Variants in SHROOM4 observed in about 807,000 individuals in gnomAD.
SHROOM4 encodes the protein shroom family member 4, also known as protein Shroom4.
A neutral mutation model predicts 80.3 loss-of-function variants in SHROOM4; 17 were observed. That is an observed-to-expected ratio of 0.21 (90% confidence interval 0.14 to 0.32). The LOEUF (loss-of-function observed/expected upper bound fraction) is 0.32, where lower values mean the gene tolerates loss of function less well. Among genes scored for constraint, SHROOM4 ranks in the 10% least tolerant of loss-of-function variants. The pLI, the probability that SHROOM4 is intolerant of heterozygous loss-of-function variation, is 1.00. For synonymous variants in SHROOM4, 400 were observed against 437.5 expected, an observed-to-expected ratio of 0.91 and a Z score of 1.07; for missense variants, 993 against 1,140.3, an observed-to-expected ratio of 0.87 and a Z score of 1.86.
intron 2 of SHROOM4, among the ~76,000 whole-genome samples, chrX:50,666,774 C>A (rs1033050958): frequency 9.0e-6 from 1 of 111,066 alleles, no homozygotes; most frequent in African/African-American, 3.3e-5. Flanking sequence ...AGGTAAGTAA[C>A]CTTCAATGTG....
rs1050463039 is a variant in SHROOM4 at position 50,594,959 on chromosome X, A to G, written c.*1736T>C. ...GATTCTCCCATTGTTTTCAAATACA[A>G]TGAAGAGGAAATGGAAGCTAGTGAC... On this transcript the variant is annotated 3_prime_UTR_variant, in exon 9 of 9. Coordinates refer to ENST00000376020, the MANE Select transcript of SHROOM4 (RefSeq NM_020717.5). 3 of 112,632 alleles carry G rather than the reference A, an allele frequency of 2.7e-5. No individual in the cohort carries two copies. In the Admixed American group the frequency reaches 2.8e-4, roughly 11 times the overall value. The allele number at this position is 112,632 out of a possible 1,213,427, so 9.3% of individuals were successfully genotyped here.
intron 1 of SHROOM4, among the ~76,000 whole-genome samples, chrX:50,800,357 T>C (rs1473062434): frequency 3.6e-5 from 4 of 112,093 alleles, no homozygotes; most frequent in Admixed American, 2.8e-4. Flanking sequence ...GGAAAATATA[T>C]AGAAGATACA....
chrX:50,601,462 G>T (rs1929403461), intron 7 of SHROOM4, among the ~76,000 whole-genome samples: 1 of 112,253 alleles, frequency 8.9e-6, no homozygotes, highest in South Asian at 3.8e-4. Context: ...TCTTGCAAAT[G>T]GCCCTGTAAC....
intron 1 of SHROOM4, among the ~76,000 whole-genome samples, chrX:50,779,675 A>G (rs1034816925): frequency 1.2e-4 from 13 of 111,790 alleles, no homozygotes; most frequent in Non-Finnish European, 2.1e-4. Flanking sequence ...AACATGCAGG[A>G]AGAAGAAGAG....
At position 50,607,516 on chromosome X, in the gene SHROOM4, G is replaced by A. The variant is rs782400213; in HGVS notation, c.3626C>T (p.Ala1209Val). 3.6e-5 allele frequency: 44 copies of A among 1,209,403 alleles called. No individual in the cohort carries two copies. Among genetic ancestry groups the A allele is most frequent in the East Asian group, 8.9e-5 (3 of 33,719 alleles). Residue 1209 changes from alanine to valine, a missense_variant, in exon 6 of 9, where the codon GCA (alanine) becomes GTA (valine). Ala to Val is a moderately conservative substitution (Grantham distance 64, BLOSUM62 0). Transcript: ENST00000376020. ...AGGCAAGAAATCACTGGAATGGAGT[G>A]CAAAGGATTCTTGCTCTGCTGGGAC... Reference protein sequence around the residue: ...QSVPAEQESFALHSSDFLPPI... With the variant: ...QSVPAEQESFVLHSSDFLPPI...
intron 1 of SHROOM4, among the ~76,000 whole-genome samples, chrX:50,701,651 T>A (rs1933520995): frequency 8.9e-6 from 1 of 112,044 alleles, no homozygotes. Context: ...ATATTTAATA[T>A]TGGTGATAAT....
chrX:50,585,622 G>A (rs782807543), downstream of SHROOM4, among the ~76,000 whole-genome samples: 21 of 111,485 alleles, frequency 1.9e-4, no homozygotes, highest in Admixed American at 1.6e-3. Flanking sequence ...AAAATTTGGA[G>A]CATGGTGTTA....
chrX:50,617,158 A>G (rs782518358), intron 5 of SHROOM4, among the ~76,000 whole-genome samples: 7 of 112,458 alleles, frequency 6.2e-5, no homozygotes, highest in East Asian at 2.8e-4. Flanking sequence ...ATCTGGCTCT[A>G]TAACTCAAAA....
intron 2 of SHROOM4, among the ~76,000 whole-genome samples, chrX:50,689,372 A>G (rs1245390506): frequency 8.9e-6 from 1 of 111,820 alleles, no homozygotes; most frequent in Non-Finnish European, 1.9e-5. Flanking sequence ...GTCTATGGAG[A>G]GCATGGCTAA....
At chrX:50,812,087 C>G (rs1174776274) in intron 1 of SHROOM4, among the ~76,000 whole-genome samples, 4 of 109,049 alleles carry the variant, frequency 3.7e-5, no homozygotes, top group Non-Finnish European at 7.6e-5. Flanking sequence ...CAAGATGGGT[C>G]AGCTCTGGGC....
intron 5 of SHROOM4, among the ~76,000 whole-genome samples, chrX:50,614,135 T>A (rs2147247683): frequency 8.9e-6 from 1 of 112,220 alleles, no homozygotes; most frequent in South Asian, 3.7e-4. Flanking sequence ...TACAACGAAA[T>A]AAAGTTTAGA....
chrX:50,591,690 TTTCTTTTC>T lies in SHROOM4; in HGVS notation c.*4997_*5004del, dbSNP rs782275561. ...ACTGTTTTCTTTCTTTCTTTCTTTC[TTTCTTTTC>T]TTTCTTTCTTTCTTTCTTTCTTTCT... On this transcript the variant is annotated 3_prime_UTR_variant, in exon 9 of 9. Transcript: ENST00000376020. The T allele has an allele frequency of 0.012, 3,229 of 258,688 alleles. 251 individuals are homozygous for T. The Admixed American group carries it at 0.16, about 13-fold the overall frequency. The allele number at this position is 258,688 out of a possible 1,213,427, so 21.3% of individuals were successfully genotyped here.
intron 1 of SHROOM4, among the ~76,000 whole-genome samples, chrX:50,810,622 C>T (rs1936310200): frequency 8.9e-6 from 1 of 111,896 alleles, no homozygotes; most frequent in African/African-American, 3.3e-5. Flanking sequence ...GTACCTACAA[C>T]CCAGTCCGTC....
intron 2 of SHROOM4, among the ~76,000 whole-genome samples, chrX:50,659,441 G>T (rs1932421367): frequency 9.0e-6 from 1 of 111,682 alleles, no homozygotes; most frequent in Non-Finnish European, 1.9e-5. Context: ...AGTATACAGT[G>T]TCTATTAGAT....
intron 1 of SHROOM4, among the ~76,000 whole-genome samples, chrX:50,741,766 A>C (rs1471126463): frequency 9.1e-6 from 1 of 110,287 alleles, no homozygotes; most frequent in Non-Finnish European, 1.9e-5. Flanking sequence ...ACGTCAAAGA[A>C]ATTTTCTTAT....
rs781897053 is a variant in SHROOM4, at chrX:50,595,972, T to C, written c.*723A>G. The C allele has an allele frequency of 1.0e-4, 33 of 326,567 alleles. No homozygotes were observed. The highest frequency in any genetic ancestry group is 1.8e-4 in the Non-Finnish European group (31 of 169,426). The allele number at this position is 326,567 out of a possible 1,213,427, so 26.9% of individuals were successfully genotyped here. On this transcript the variant is annotated 3_prime_UTR_variant, in exon 9 of 9. Transcript: ENST00000376020. ...AGGCACCTGCGGTAACCCCCAGCAA[T>C]GTAAAGGAAAGATGAAACAAGAGGT...
intron 1 of SHROOM4, among the ~76,000 whole-genome samples, chrX:50,718,251 G>T (rs930128841): frequency 8.9e-6 from 1 of 112,235 alleles, no homozygotes; most frequent in Admixed American, 9.5e-5. Flanking sequence ...TATCTGTGTG[G>T]AAAAGTTGTG....
the SHROOM4 span, among the ~76,000 whole-genome samples, chrX:50,581,543 G>A: frequency 9.0e-6 from 1 of 111,561 alleles, no homozygotes; most frequent in African/African-American, 3.3e-5. Flanking sequence ...GCCCTGACTT[G>A]CTGGCCCTAC....
At chrX:50,715,638 A>G (rs1316441615) in intron 1 of SHROOM4, among the ~76,000 whole-genome samples, 16 of 111,283 alleles carry the variant, frequency 1.4e-4, no homozygotes, top group Non-Finnish European at 1.1e-4. Context: ...AATCACAACG[A>G]GATATCACTT....
Sources: gnomAD v4.1 joint callset for allele counts (sites outside exome capture counted in the v4.1 genomes callset) on GRCh38, gnomAD v4.1.1 for gene constraint, MANE v1.5 for transcripts, NCBI Gene and HGNC (gene_info 2026-07-23, HGNC 2026-07-21) for gene names.